Variants in SEMA4A observed in about 807,000 individuals in gnomAD.
The protein encoded by SEMA4A is semaphorin-4A.
In SEMA4A, 52 loss-of-function variants were observed where a neutral mutation model predicts 72.5. The ratio of observed to expected loss-of-function variants is 0.72; its 90% CI spans 0.57 to 0.90. SEMA4A has a LOEUF of 0.90. Ranked by LOEUF, SEMA4A falls within the 40% of genes least tolerant of loss-of-function variation. The pLI is 0.00. For synonymous variants in SEMA4A, 369 were observed against 393.1 expected (o/e 0.94, Z 0.73); for missense variants, 926 against 959.7 (o/e 0.96, Z 0.46).
rs754643343 is a variant in SEMA4A, at chr1:156,176,451, C to T, written c.1740C>T (p.Cys580=). ...AVPNSILELP[C]PHLSALASYY... is the part of the protein sequence containing the mutation. Reference sequence around the variant, plus strand: ...CCAACTCCATCCTGGAGCTCCCCTGCCCCCACCTGTCAGCCTTGGCCTCTT... The same window carrying T: ...CCAACTCCATCCTGGAGCTCCCCTGTCCCCACCTGTCAGCCTTGGCCTCTT... The change falls in exon 15 of 15, where the codon TGC becomes TGT. Residue 580 remains cysteine (C), a synonymous_variant. Coordinates refer to ENST00000368285, the MANE Select transcript of SEMA4A (RefSeq NM_022367.4). 3 of 1,614,048 alleles carry T rather than the reference C, an allele frequency of 1.9e-6. No homozygotes were observed. Among genetic ancestry groups the T allele is most frequent in the Non-Finnish European group, 2.5e-6 (3 of 1,179,922 alleles).
rs1460349354 is a variant in SEMA4A at position 156,154,654 on chromosome 1, C to A, written c.76C>A (p.Leu26Met). The change falls in exon 2 of 15, where the codon CTG (leucine) becomes ATG (methionine). Residue 26 changes from leucine (L) to methionine (M), a missense_variant. Physicochemically the swap from Leu to Met is conservative, Grantham distance 15. Transcript: ENST00000368285. ...LFLFQLLQLLLPTTTAGGGGQ... is the reference protein window; with the variant it reads ...LFLFQLLQLLMPTTTAGGGGQ... ...CCTCTTCCAACTGCTTCAGCTGCTG[C>A]TGCCGACGACGACCGCGGGGGGAGG... The A allele has an allele frequency of 3.7e-6, 6 of 1,606,376 alleles. No homozygotes were observed. The highest frequency in any genetic ancestry group is 3.4e-5 in the Admixed American group (2 of 58,598).
chr1:156,154,683 G>T lies in SEMA4A; in HGVS notation c.105G>T (p.Gly35=). The change falls in exon 2 of 15, where the codon GGG becomes GGT. Residue 35 remains glycine (G), a synonymous_variant. Transcript: ENST00000368285. ...CGACGACGACCGCGGGGGGAGGCGG[G>T]CAGGGGCCCATGCCCAGGGTCAGAT... is the stretch of plus-strand genomic sequence containing the variant. The part of the protein sequence containing the change: ...LLPTTTAGGG[G]QGPMPRVRYY... 1 of 1,594,902 alleles carries T rather than the reference G, an allele frequency of 6.3e-7. No homozygotes were observed. Among genetic ancestry groups the T allele is most frequent in the South Asian group, 1.1e-5 (1 of 88,058 alleles).
chr1:156,160,597 C>T, intron 7 of SEMA4A, 38 bp downstream of exon 7: 6 of 1,536,922 alleles, frequency 3.9e-6, no homozygotes, highest in Non-Finnish European at 5.4e-6. Flanking sequence ...TTTCCTGAGT[C>T]CTGGTGACCT....
chr1:156,168,705 A>G (rs1654417183), intron 10 of SEMA4A, among the ~76,000 whole-genome samples: 1 of 152,040 alleles, frequency 6.6e-6, no homozygotes, highest in African/African-American at 2.4e-5. Context: ...AGTCTTGGCA[A>G]TTTGGTCTCT....
At chr1:156,175,049 G>A in intron 12 of SEMA4A, 37 bp from the exon 13 acceptor site, 2 of 1,614,208 alleles carry the variant, frequency 1.2e-6, no homozygotes, top group Non-Finnish European at 1.7e-6. Context: ...TACTAGATGT[G>A]GCTGGGGCTC....
chr1:156,148,443 C>T (rs1652265104), upstream of SEMA4A, among the ~76,000 whole-genome samples: 1 of 152,248 alleles, frequency 6.6e-6, no homozygotes, highest in Non-Finnish European at 1.5e-5. Flanking sequence ...CAGCACATGC[C>T]ATGCCCTCCT....
Position 156,156,544 on chromosome 1 carries a change from G to A in SEMA4A, c.270G>A (p.Gln90=), listed in dbSNP as rs749325634. ...AREAILALDI[Q]DPGVPRLKNM... The stretch of plus-strand genomic sequence containing the variant: ...AAGCCATTCTGGCCTTGGATATCCA[G>A]GATCCAGGGGTCCCCAGGCTAAAGA... The change falls in exon 3 of 15, where the codon CAG becomes CAA. Residue 90 remains glutamine, a synonymous_variant. Transcript: ENST00000368285. 1 of 1,614,040 alleles carries A rather than the reference G, an allele frequency of 6.2e-7. No homozygotes were observed. Among genetic ancestry groups the A allele is most frequent in the Admixed American group, 1.7e-5 (1 of 60,008 alleles).
upstream of SEMA4A, among the ~76,000 whole-genome samples, chr1:156,148,611 C>T (rs1652280782): frequency 6.6e-6 from 1 of 152,116 alleles, no homozygotes; most frequent in Admixed American, 6.6e-5. Context: ...ATGCTGCTCC[C>T]AGGCAGGTTA....
At chr1:156,153,308 T>C (rs921219591), upstream of SEMA4A, 1 of 152,098 alleles carries the variant, frequency 6.6e-6, no homozygotes, top group African/African-American at 2.4e-5. Context: ...ATATGTCATG[T>C]CCCCTATCTG....
In SEMA4A at chr1:156,176,710, A is replaced by G. The variant is rs1655372295; in HGVS notation, c.1999A>G (p.Arg667Gly). 1.2e-6 allele frequency: 2 copies of G among 1,613,986 alleles called. No homozygotes were observed. Among genetic ancestry groups the G allele is most frequent in the Non-Finnish European group, 1.7e-6 (2 of 1,179,874 alleles). Reference protein sequence around the residue: ...PREHVKVPLTRVSGGAALAAQ... With the variant: ...PREHVKVPLTGVSGGAALAAQ... The stretch of plus-strand genomic sequence containing the variant: ...GGAGCATGTGAAGGTCCCGTTGACC[A>G]GGGTCAGTGGTGGGGCCGCCCTGGC... Residue 667 changes from arginine to glycine, a missense_variant, in exon 15 of 15, where the codon AGG becomes GGG. Transcript: ENST00000368285.
At chr1:156,169,047 C>A (rs1445847173) in intron 10 of SEMA4A, among the ~76,000 whole-genome samples, 2 of 152,212 alleles carry the variant, frequency 1.3e-5, no homozygotes, top group Non-Finnish European at 2.9e-5. Flanking sequence ...GGTGGATAAA[C>A]CTCCAGTCTT....
intron 10 of SEMA4A, among the ~76,000 whole-genome samples, chr1:156,165,707 A>G (rs1654088368): frequency 6.6e-6 from 1 of 151,102 alleles, no homozygotes; most frequent in Non-Finnish European, 1.5e-5. Context: ...GCTACCTTAT[A>G]GGCAGTGTAC....
chr1:156,160,807 G>A, intron 7 of SEMA4A, 98 bp from the exon 8 acceptor site: 1 of 1,567,514 alleles, frequency 6.4e-7, no homozygotes. Context: ...GGAAGCCTGT[G>A]TGTCCTGGCC....
chr1:156,152,797 G>C (rs1267691478), upstream of SEMA4A, among the ~76,000 whole-genome samples: 3 of 152,186 alleles, frequency 2.0e-5, no homozygotes, highest in African/African-American at 7.2e-5. Context: ...ATGTCAGATG[G>C]AAGTGGATTA....
Position 156,161,327 on chromosome 1 carries a change from A to G in SEMA4A, c.811-19A>G, listed in dbSNP as rs1231697982. ...GTCGGGGCGCCCGGGGCGCCCCCTG[A>G]CTCCCCCTGTGCCCCCAGAATGACG... On this transcript the variant is annotated intron_variant, in intron 8 of 14. Transcript: ENST00000368285. 15 of 1,024,846 alleles carry G rather than the reference A, an allele frequency of 1.5e-5. No homozygotes were observed. The highest frequency in any genetic ancestry group is 8.2e-5 in the East Asian group (2 of 24,346). 63.5% of individuals were successfully genotyped at this position (1,024,846 alleles called of 1,614,324 possible). A position where few individuals can be genotyped will look rare whatever the true frequency, so the allele number is the denominator to read the frequency against.
chr1:156,156,559 C>T lies in SEMA4A; in HGVS notation c.285C>T (p.Pro95=). Residue 95 remains proline, a synonymous_variant, in exon 3 of 15, where the codon CCC becomes CCT. Coordinates refer to ENST00000368285, the MANE Select transcript of SEMA4A (RefSeq NM_022367.4). The part of the protein sequence containing the change: ...LALDIQDPGV[P]RLKNMIPWPA... ...TGGATATCCAGGATCCAGGGGTCCC[C>T]AGGCTAAAGAACATGGTGAGGAGTC... is the stretch of plus-strand genomic sequence containing the variant. 6.2e-7 allele frequency: 1 copy of T among 1,613,934 alleles called. No individual in the cohort carries two copies.
Position 156,177,199 on chromosome 1 carries a change from A to C in SEMA4A, c.*202A>C. On this transcript the variant is annotated 3_prime_UTR_variant, in exon 15 of 15. Coordinates refer to ENST00000368285, the MANE Select transcript of SEMA4A (RefSeq NM_022367.4). ...CTCCCCTATGGGACTCCCTTCTACC[A>C]AGCACATGAGCTCTCTAACAGGGTG... 1 of 644,986 alleles carries C rather than the reference A, an allele frequency of 1.6e-6. No homozygotes were observed. The highest frequency in any genetic ancestry group is 2.8e-6 in the Non-Finnish European group (1 of 357,394). The allele number at this position is 644,986 out of a possible 1,614,324, so 40.0% of individuals were successfully genotyped here.
upstream of SEMA4A, among the ~76,000 whole-genome samples, chr1:156,152,873 G>A (rs1047347423): frequency 6.6e-6 from 1 of 152,124 alleles, no homozygotes; most frequent in African/African-American, 2.4e-5. Context: ...TGACCATGTC[G>A]AGTGGGCAGG....
intron 10 of SEMA4A, among the ~76,000 whole-genome samples, chr1:156,171,039 C>T (rs527690157): frequency 2.0e-5 from 3 of 152,222 alleles, no homozygotes; most frequent in Non-Finnish European, 4.4e-5. Flanking sequence ...ATAGTAAGAC[C>T]CTGTCTCTAT....
Sources: gnomAD v4.1 joint callset for allele counts (sites outside exome capture counted in the v4.1 genomes callset) on GRCh38, gnomAD v4.1.1 for gene constraint, MANE v1.5 for transcripts, NCBI Gene and HGNC (gene_info 2026-07-23, HGNC 2026-07-21) for gene names.